The following DLG2 variants were observed in gnomAD, a reference collection of about 807,000 sequenced individuals.
DLG2 encodes the protein disks large homolog 2.
In DLG2, 45 loss-of-function variants were observed where a neutral mutation model predicts 132.5. The observed-to-expected ratio is 0.34, with a 90% CI of 0.27 to 0.44. DLG2 has a LOEUF of 0.44. Ranked by LOEUF, DLG2 falls within the 20% of genes least tolerant of loss-of-function variation. The probability of loss-of-function intolerance (pLI) is 1.00; values close to 1 mark genes in which losing one functional copy is unlikely to be tolerated. For synonymous variants in DLG2, 424 were observed against 419.6 expected, an observed-to-expected ratio of 1.01 and a Z score of -0.13; for missense variants, 1,045 against 1,196.9, an observed-to-expected ratio of 0.87 and a Z score of 1.87.
chr11:85,278,032 C>T (rs187649703), intron 4 of DLG2, among the ~76,000 whole-genome samples: 34 of 152,306 alleles, frequency 2.2e-4, no homozygotes, highest in African/African-American at 6.7e-4. Flanking sequence ...TTAAGGCTCT[C>T]AAGCAGACAG....
intron 18 of DLG2, among the ~76,000 whole-genome samples, chr11:83,782,259 AAT>A (rs2094859387): frequency 6.6e-6 from 1 of 152,214 alleles, no homozygotes; most frequent in Non-Finnish European, 1.5e-5. Flanking sequence ...ACCTACTATT[AAT>A]ATATGTCAAC....
intron 2 of DLG2, among the ~76,000 whole-genome samples, chr11:85,619,626 G>A (rs537613500): frequency 1.2e-4 from 18 of 152,196 alleles, no homozygotes; most frequent in South Asian, 8.3e-4. Context: ...CTGAGGTCAG[G>A]AGTTTGAGGT....
intron 21 of DLG2, among the ~76,000 whole-genome samples, chr11:83,507,757 A>ATT (rs1479973410): frequency 1.8e-3 from 140 of 78,460 alleles, no homozygotes; most frequent in African/African-American, 6.4e-3. Flanking sequence ...ATATATTTTT[A>ATT]TTATATATAT....
chr11:85,170,173 G>A (rs2078738953), intron 4 of DLG2, among the ~76,000 whole-genome samples: 1 of 152,196 alleles, frequency 6.6e-6, no homozygotes, highest in Admixed American at 6.5e-5. Context: ...GCAGTGCAGA[G>A]TTGTGAAGAA....
chr11:85,245,604 T>C (rs2076094323), intron 4 of DLG2, among the ~76,000 whole-genome samples: 1 of 152,038 alleles, frequency 6.6e-6, no homozygotes, highest in Non-Finnish European at 1.5e-5. Context: ...ATTATCCACA[T>C]AGCAGCCAAA....
At chr11:84,423,624 A>T (rs2098957618) in intron 7 of DLG2, among the ~76,000 whole-genome samples, 1 of 152,172 alleles carries the variant, frequency 6.6e-6, no homozygotes. Context: ...GGCCATGTTC[A>T]CCATCACATC....
rs147695623 is a variant in DLG2 at position 84,663,229 on chromosome 11, TTATA to T, written c.358-128502_358-128499del. ...TTATTTGTAATTATGCCTTTACAGG[TTATA>T]TATATATATATATATATTTTTTTTT... On this transcript the variant is annotated intron_variant, in intron 6 of 27. Coordinates refer to ENST00000376104, the MANE Select transcript of DLG2 (RefSeq NM_001142699.3). Among the ~76,000 whole-genome samples, 405 of 143,552 alleles carry T rather than the reference TTATA, an allele frequency of 2.8e-3. 3 individuals are homozygous for T. The highest frequency in any genetic ancestry group is 9.7e-3 in the African/African-American group (382 of 39,302). 94.2% of individuals were successfully genotyped at this position (143,552 alleles called of 152,430 possible). A position where few individuals can be genotyped will look rare whatever the true frequency, so the allele number is the denominator to read the frequency against.
At chr11:83,587,780 G>C (rs1256117695) in intron 19 of DLG2, among the ~76,000 whole-genome samples, 1 of 152,070 alleles carries the variant, frequency 6.6e-6, no homozygotes, top group Non-Finnish European at 1.5e-5. Context: ...GTCAGTGGGT[G>C]CGCGCACCGT....
rs2069457731 is a variant in DLG2 at position 85,094,883 on chromosome 11, C to T, written c.357+16778G>A. Among the ~76,000 whole-genome samples the T allele has an allele frequency of 3.3e-5, 5 of 152,184 alleles. 1 individual carries two copies. The South Asian group carries it at 1.0e-3, about 31-fold the overall frequency. The stretch of plus-strand genomic sequence containing the variant: ...CCTATCTTGGCTTTCAACATGCCTT[C>T]CTCACTAAGTTTAATCATTTCTAGC... On this transcript the variant is annotated intron_variant, in intron 6 of 27. Coordinates refer to ENST00000376104, the MANE Select transcript of DLG2 (RefSeq NM_001142699.3).
At chr11:85,185,036 T>A (rs563628039) in intron 4 of DLG2, among the ~76,000 whole-genome samples, 1 of 152,068 alleles carries the variant, frequency 6.6e-6, no homozygotes, top group African/African-American at 2.4e-5. Context: ...AAATAGCACT[T>A]ACCTATAAGC....
At chr11:83,554,207 T>C (rs979447063) in intron 19 of DLG2, among the ~76,000 whole-genome samples, 2 of 152,164 alleles carry the variant, frequency 1.3e-5, no homozygotes, top group Non-Finnish European at 1.5e-5. Flanking sequence ...CTTTAGCACT[T>C]AGGTTTTCAA....
chr11:85,462,803 TA>T (rs886713558), intron 3 of DLG2, among the ~76,000 whole-genome samples: 5 of 147,874 alleles, frequency 3.4e-5, no homozygotes, highest in East Asian at 2.0e-4. Context: ...AAGTATAATT[TA>T]AAAAAAAAAA....
intron 19 of DLG2, among the ~76,000 whole-genome samples, chr11:83,602,214 T>C (rs1013241229): frequency 3.3e-5 from 5 of 152,234 alleles, no homozygotes; most frequent in African/African-American, 1.2e-4. Context: ...CATTTTTCAT[T>C]GCAGTCAATT....
At position 84,265,649 on chromosome 11, in the gene DLG2, C is replaced by T. The variant is rs368163243; in HGVS notation, c.520-14358G>A. 4.6e-4 allele frequency among the ~76,000 whole-genome samples: 70 copies of T among 152,160 alleles called. 1 individual carries two copies. Among genetic ancestry groups the T allele is most frequent in the African/African-American group, 1.1e-3 (46 of 41,512 alleles). On this transcript the variant is annotated intron_variant, in intron 7 of 27. Transcript: ENST00000376104. ...GTAACGAGAAGTAATCTAGTTTATACTACTTTGAAAATTGTAACAAGATAA... is the reference window on the plus strand; with the variant it reads ...GTAACGAGAAGTAATCTAGTTTATATTACTTTGAAAATTGTAACAAGATAA...
chr11:83,775,873 A>G (rs2094560801), intron 18 of DLG2, among the ~76,000 whole-genome samples: 1 of 152,172 alleles, frequency 6.6e-6, no homozygotes, highest in Non-Finnish European at 1.5e-5. Flanking sequence ...CGGGCGGATC[A>G]CAAGATCAGG....
intron 4 of DLG2, among the ~76,000 whole-genome samples, chr11:85,249,640 CA>C (rs1371920369): frequency 2.0e-5 from 3 of 152,048 alleles, no homozygotes; most frequent in African/African-American, 7.2e-5. Context: ...GTGACACTAC[CA>C]AAAGCAGAAT....
chr11:83,674,736 C>T (rs1159240637), intron 18 of DLG2, among the ~76,000 whole-genome samples: 1 of 152,204 alleles, frequency 6.6e-6, no homozygotes, highest in Non-Finnish European at 1.5e-5. Context: ...CTCAGTGACA[C>T]AGCTAGGCTG....
At chr11:84,404,603 A>G (rs1601545114) in intron 7 of DLG2, among the ~76,000 whole-genome samples, 1 of 152,194 alleles carries the variant, frequency 6.6e-6, no homozygotes, top group Non-Finnish European at 1.5e-5. Flanking sequence ...AGTAGAATAT[A>G]TACTAGATAT....
At chr11:83,660,582 C>T (rs1022076660) in intron 18 of DLG2, among the ~76,000 whole-genome samples, 3 of 152,090 alleles carry the variant, frequency 2.0e-5, no homozygotes, top group Non-Finnish European at 4.4e-5. Flanking sequence ...ATGTTTAGGA[C>T]ACTTACCTAT....
Sources: allele counts gnomAD v4.1 joint callset (sites outside exome capture counted in the v4.1 genomes callset), GRCh38; gene constraint gnomAD v4.1.1; transcripts MANE v1.5; gene names NCBI Gene and HGNC (gene_info 2026-07-23, HGNC 2026-07-21).